The following SOX5 variants were observed in gnomAD, a reference collection of about 807,000 sequenced individuals.
The protein encoded by SOX5 is transcription factor SOX-5.
Under a neutral mutation model 92.0 loss-of-function variants are expected in SOX5, and 9 were observed. That is an observed-to-expected ratio of 0.10 (90% CI 0.06 to 0.17). The LOEUF is 0.17. Among genes scored for constraint, SOX5 ranks in the 10% least tolerant of loss-of-function variants. The pLI, the probability that SOX5 is intolerant of heterozygous loss-of-function variation, is 1.00. For missense variants in SOX5, 642 were observed against 944.5 expected (o/e 0.68, Z 4.20); for synonymous variants, 344 against 336.3 (o/e 1.02, Z -0.25).
At chr12:24,165,639 A>ACTC (rs1456214775) in intron 4 of SOX5, among the ~76,000 whole-genome samples, 1 of 152,170 alleles carries the variant, frequency 6.6e-6, no homozygotes, top group Non-Finnish European at 1.5e-5. Context: ...GTATAGAGGC[A>ACTC]CATCAAAGGA....
At chr12:23,897,721 G>T (rs2097191401) in intron 1 of SOX5, among the ~76,000 whole-genome samples, 1 of 152,060 alleles carries the variant, frequency 6.6e-6, no homozygotes, top group African/African-American at 2.4e-5. Context: ...TTAGATAAAT[G>T]CTCCCTGGCC....
chr12:23,570,777 G>A (rs1306632189), intron 10 of SOX5, among the ~76,000 whole-genome samples: 1 of 150,798 alleles, frequency 6.6e-6, no homozygotes, highest in Non-Finnish European at 1.5e-5. Flanking sequence ...CGGGCGTGGT[G>A]GCAGGTGCCT....
chr12:23,582,111 G>T (rs918502091), intron 9 of SOX5: 8 of 976,242 alleles, frequency 8.2e-6, no homozygotes, highest in Non-Finnish European at 9.7e-6. Context: ...ACCTAAGTAG[G>T]GAAGTTACAT....
chr12:23,931,243 T>A (rs1286873199), intron 1 of SOX5, among the ~76,000 whole-genome samples: 1 of 151,804 alleles, frequency 6.6e-6, no homozygotes, highest in African/African-American at 2.4e-5. Context: ...TAATAGCTAC[T>A]ATTTATTTAG....
At chr12:24,258,962 T>G in intron 3 of SOX5, among the ~76,000 whole-genome samples, 1 of 152,224 alleles carries the variant, frequency 6.6e-6, no homozygotes, top group East Asian at 1.9e-4. Context: ...AGGCTCCATC[T>G]TAACCACTCT....
intron 2 of SOX5, among the ~76,000 whole-genome samples, chr12:24,284,821 T>C (rs1945655998): frequency 6.6e-6 from 1 of 152,204 alleles, no homozygotes; most frequent in Admixed American, 6.5e-5. Flanking sequence ...CAACATTATA[T>C]ACCACCTTTT....
chr12:23,689,280 G>A (rs2900524), intron 6 of SOX5, among the ~76,000 whole-genome samples: 38 of 151,970 alleles, frequency 2.5e-4, no homozygotes, highest in African/African-American at 9.2e-4. Flanking sequence ...TTCTTAATTA[G>A]ATTTTTTTGT....
intron 2 of SOX5, among the ~76,000 whole-genome samples, chr12:23,872,781 C>T (rs2096889057): frequency 6.6e-6 from 1 of 152,110 alleles, no homozygotes; most frequent in Non-Finnish European, 1.5e-5. Flanking sequence ...AGATCGATGT[C>T]TTTGAAAGGA....
chr12:23,592,100 C>T (rs1951650095), intron 9 of SOX5, among the ~76,000 whole-genome samples: 1 of 152,166 alleles, frequency 6.6e-6, no homozygotes, highest in African/African-American at 2.4e-5. Context: ...ATGCTGGCAA[C>T]TGGCCTTGCA....
intron 4 of SOX5, among the ~76,000 whole-genome samples, chr12:24,072,160 T>G (rs780868239): frequency 9.2e-5 from 14 of 152,200 alleles, no homozygotes; most frequent in Admixed American, 6.5e-5. Flanking sequence ...TTATCAACAC[T>G]TCAAATAGCT....
At chr12:24,300,077 G>A (rs554479401) in intron 2 of SOX5, among the ~76,000 whole-genome samples, 45 of 152,220 alleles carry the variant, frequency 3.0e-4, no homozygotes, top group African/African-American at 1.1e-3. Context: ...AGAACAAAGC[G>A]AAACACTGCT....
At chr12:24,389,421 T>G (rs1788740970) in intron 1 of SOX5, among the ~76,000 whole-genome samples, 1 of 152,180 alleles carries the variant, frequency 6.6e-6, no homozygotes, top group Non-Finnish European at 1.5e-5. Context: ...GTGTACCTCT[T>G]TTTTCATCAA....
chr12:24,437,404 G>A (rs1047232836), intron 1 of SOX5, among the ~76,000 whole-genome samples: 5 of 152,244 alleles, frequency 3.3e-5, no homozygotes, highest in African/African-American at 1.2e-4. Flanking sequence ...TCAGGACATA[G>A]GCATGGACAA....
intron 1 of SOX5, among the ~76,000 whole-genome samples, chr12:23,926,960 A>G (rs545050851): frequency 1.3e-5 from 2 of 152,234 alleles, no homozygotes; most frequent in South Asian, 4.1e-4. Flanking sequence ...TATGCCAGAA[A>G]GGACCTCACA....
intron 2 of SOX5, among the ~76,000 whole-genome samples, chr12:23,875,257 T>C (rs1197548492): frequency 6.7e-6 from 1 of 150,046 alleles, no homozygotes; most frequent in Non-Finnish European, 1.5e-5. Context: ...AAAGAGGCAT[T>C]ATGAAGAGAA....
In SOX5 at chr12:24,304,215, G is replaced by A. The variant is rs147812724; in HGVS notation, c.-173-26903C>T. Among the ~76,000 whole-genome samples the A allele has an allele frequency of 3.9e-3, 594 of 152,242 alleles. 3 individuals are homozygous for A. The highest frequency in any genetic ancestry group is 0.014 in the African/African-American group (574 of 41,542). On this transcript the variant is annotated intron_variant, in intron 2 of 4. Transcript: ENST00000446891. ...AAGAGAATTCCATGTCAAAGAGATA[G>A]CATGAACCAAGAAAAATAGCAAGTA... is the stretch of plus-strand genomic sequence containing the variant.
intron 4 of SOX5, among the ~76,000 whole-genome samples, chr12:24,077,772 C>CATATAT (rs35914700): frequency 0.031 from 3,611 of 116,740 alleles, 102 homozygotes; most frequent in Middle Eastern, 0.044. Context: ...AAGGTATTTT[C>CATATAT]ATATATATAT....
chr12:23,687,836 T>C (rs533778393), intron 6 of SOX5, among the ~76,000 whole-genome samples: 1 of 152,098 alleles, frequency 6.6e-6, no homozygotes, highest in South Asian at 2.1e-4. Flanking sequence ...CTGGGGACTA[T>C]TTTCTCTGAA....
intron 4 of SOX5, among the ~76,000 whole-genome samples, chr12:24,187,007 AG>A (rs1956080381): frequency 1.3e-5 from 2 of 152,302 alleles, no homozygotes; most frequent in Admixed American, 1.3e-4. Flanking sequence ...AACTTGGAAA[AG>A]TTTAATAAGA....
Sources: gnomAD v4.1 joint callset for allele counts (sites outside exome capture counted in the v4.1 genomes callset) on GRCh38, gnomAD v4.1.1 for gene constraint, MANE v1.5 for transcripts, NCBI Gene and HGNC (gene_info 2026-07-23, HGNC 2026-07-21) for gene names.